Variants in NEGR1 observed in about 807,000 individuals in gnomAD.
NEGR1 encodes the protein IgLON family member 4.
A neutral mutation model predicts 40.9 loss-of-function variants in NEGR1; 10 were observed. The observed-to-expected ratio is 0.24, with a 90% CI of 0.15 to 0.42. NEGR1 has a LOEUF of 0.42. NEGR1 is among the 10% of genes least tolerant of loss of function. NEGR1 has a pLI of 1.00. For missense variants in NEGR1, 352 were observed against 438.9 expected (o/e 0.80, Z 1.77); for synonymous variants, 185 against 166.8 (o/e 1.11, Z -0.84).
At chr1:71,529,494 G>T (rs527619974) in intron 6 of NEGR1, among the ~76,000 whole-genome samples, 2 of 151,208 alleles carry the variant, frequency 1.3e-5, no homozygotes, top group African/African-American at 4.8e-5. Context: ...ATAATTTTAG[G>T]ATTAATAGTT....
intron 2 of NEGR1, among the ~76,000 whole-genome samples, chr1:71,920,542 T>C (rs1645707896): frequency 6.6e-6 from 1 of 152,176 alleles, no homozygotes; most frequent in Non-Finnish European, 1.5e-5. Context: ...TACCTAACTT[T>C]AGTGCACTCA....
At chr1:71,507,628 T>C (rs1647044269) in intron 6 of NEGR1, among the ~76,000 whole-genome samples, 1 of 152,276 alleles carries the variant, frequency 6.6e-6, no homozygotes, top group East Asian at 1.9e-4. Context: ...GTAGGAAAAT[T>C]AAAGTACTTA....
chr1:72,191,170 T>C (rs1399128137), intron 1 of NEGR1, among the ~76,000 whole-genome samples: 1 of 151,806 alleles, frequency 6.6e-6, no homozygotes, highest in Non-Finnish European at 1.5e-5. Context: ...CATAATGTTC[T>C]AGTAACATTC....
chr1:72,145,945 A>T (rs889444993), intron 1 of NEGR1, among the ~76,000 whole-genome samples: 7 of 152,112 alleles, frequency 4.6e-5, no homozygotes, highest in Admixed American at 4.6e-4. Flanking sequence ...CATACCTTAT[A>T]GTTTTTCTTT....
At chr1:72,120,045 C>A (rs957835249) in intron 1 of NEGR1, among the ~76,000 whole-genome samples, 5 of 151,892 alleles carry the variant, frequency 3.3e-5, no homozygotes, top group South Asian at 4.1e-4. Flanking sequence ...AGGTCAGAAC[C>A]TTTTGGGTTT....
chr1:71,759,514 GTCTTGA>G (rs1655862202), intron 3 of NEGR1, among the ~76,000 whole-genome samples: 1 of 147,928 alleles, frequency 6.8e-6, no homozygotes, highest in Middle Eastern at 3.3e-3. Flanking sequence ...AGCCAGGATG[GTCTTGA>G]TCTCCTGATC....
intron 4 of NEGR1, among the ~76,000 whole-genome samples, chr1:71,617,741 A>T (rs972940242): frequency 6.6e-6 from 1 of 152,204 alleles, no homozygotes; most frequent in Non-Finnish European, 1.5e-5. Flanking sequence ...GTTAAAATAC[A>T]TGCCCTTAAC....
chr1:71,462,674 T>C (rs1179496445), intron 6 of NEGR1, among the ~76,000 whole-genome samples: 1 of 152,154 alleles, frequency 6.6e-6, no homozygotes, highest in Non-Finnish European at 1.5e-5. Flanking sequence ...AATTTCTTTA[T>C]AAGAGAATAT....
At chr1:71,655,739 C>G (rs148591430) in intron 4 of NEGR1, among the ~76,000 whole-genome samples, 56 of 152,186 alleles carry the variant, frequency 3.7e-4, no homozygotes, top group Non-Finnish European at 7.4e-5. Flanking sequence ...TATAGGTACT[C>G]AGAATCACAG....
chr1:71,495,650 G>A (rs573589635), intron 6 of NEGR1, among the ~76,000 whole-genome samples: 13 of 152,102 alleles, frequency 8.5e-5, no homozygotes, highest in Admixed American at 1.3e-4. Context: ...CTGACATTAC[G>A]ATAAGTACCA....
intron 4 of NEGR1, among the ~76,000 whole-genome samples, chr1:71,690,328 C>CT (rs1257597504): frequency 2.0e-5 from 3 of 151,762 alleles, no homozygotes; most frequent in East Asian, 1.9e-4. Flanking sequence ...TGAAGCAAAA[C>CT]TTTTTTTTCT....
chr1:72,119,328 C>T (rs1649708144), intron 1 of NEGR1, among the ~76,000 whole-genome samples: 2 of 151,926 alleles, frequency 1.3e-5, no homozygotes, highest in Admixed American at 1.3e-4. Context: ...ATTAGTGATG[C>T]TTCCACTAGA....
intron 1 of NEGR1, among the ~76,000 whole-genome samples, chr1:72,074,740 A>C (rs990076382): frequency 1.3e-5 from 2 of 152,116 alleles, no homozygotes; most frequent in African/African-American, 4.8e-5. Context: ...ACTTCATTCT[A>C]TATTTTCAAA....
At chr1:71,699,361 T>G (rs1307818455) in intron 3 of NEGR1, among the ~76,000 whole-genome samples, 1 of 151,862 alleles carries the variant, frequency 6.6e-6, no homozygotes, top group African/African-American at 2.4e-5. Flanking sequence ...AACTATGAGT[T>G]TGCTAATTGA....
intron 2 of NEGR1, among the ~76,000 whole-genome samples, chr1:71,851,235 C>T (rs931061894): frequency 5.3e-5 from 8 of 152,006 alleles, no homozygotes; most frequent in African/African-American, 7.2e-5. Flanking sequence ...TTGATATTAC[C>T]GCCCACACAA....
At chr1:71,881,379 C>T (rs760974464) in intron 2 of NEGR1, among the ~76,000 whole-genome samples, 2 of 152,008 alleles carry the variant, frequency 1.3e-5, no homozygotes, top group Non-Finnish European at 2.9e-5. Flanking sequence ...AACCTTTTGA[C>T]ACTTGTGTGC....
At chr1:72,175,156 T>C (rs1652121908) in intron 1 of NEGR1, among the ~76,000 whole-genome samples, 1 of 151,672 alleles carries the variant, frequency 6.6e-6, no homozygotes, top group Non-Finnish European at 1.5e-5. Flanking sequence ...CTGTGTAGAT[T>C]AGACACAGAT....
At chr1:72,050,377 C>A (rs1461766436) in intron 1 of NEGR1, among the ~76,000 whole-genome samples, 1 of 151,258 alleles carries the variant, frequency 6.6e-6, no homozygotes, top group Admixed American at 6.6e-5. Context: ...AATTGTGTAA[C>A]CTGCACAATT....
chr1:72,040,174 A>G (rs904624291), intron 1 of NEGR1, among the ~76,000 whole-genome samples: 2 of 151,976 alleles, frequency 1.3e-5, no homozygotes, highest in South Asian at 4.1e-4. Flanking sequence ...AGCCCCAAAT[A>G]TATTTGGAGT....
Sources: gnomAD v4.1 joint callset for allele counts (sites outside exome capture counted in the v4.1 genomes callset) on GRCh38, gnomAD v4.1.1 for gene constraint, MANE v1.5 for transcripts, NCBI Gene and HGNC (gene_info 2026-07-23, HGNC 2026-07-21) for gene names.